The following GRID2 variants were observed in gnomAD, a reference collection of about 807,000 sequenced individuals.
GRID2 encodes glutamate ionotropic receptor delta type subunit 2, also known as glutamate receptor ionotropic, delta-2.
A neutral mutation model predicts 114.8 loss-of-function variants in GRID2; 33 were observed. That is an observed-to-expected ratio of 0.29 (90% CI 0.22 to 0.38). GRID2 has a LOEUF of 0.38. GRID2 is among the 10% of genes least tolerant of loss of function. The probability of loss-of-function intolerance (pLI) is 1.00; values close to 1 mark genes in which losing one functional copy is unlikely to be tolerated. For synonymous variants in GRID2, 505 were observed against 449.9 expected, an observed-to-expected ratio of 1.12 and a Z score of -1.55; for missense variants, 1,184 against 1,257.7, an observed-to-expected ratio of 0.94 and a Z score of 0.89.
intron 14 of GRID2, among the ~76,000 whole-genome samples, chr4:93,632,592 C>T (rs1721020742): frequency 6.6e-6 from 1 of 152,120 alleles, no homozygotes; most frequent in Non-Finnish European, 1.5e-5. Context: ...GTTTTGGTAC[C>T]AGTACCATGC....
chr4:92,404,241 T>C (rs1730926588), intron 1 of GRID2, among the ~76,000 whole-genome samples: 1 of 152,160 alleles, frequency 6.6e-6, no homozygotes. Context: ...AAGAGTTAGG[T>C]AACTTTTCTA....
At chr4:92,323,339 G>C (rs1014418804) in intron 1 of GRID2, among the ~76,000 whole-genome samples, 4 of 151,972 alleles carry the variant, frequency 2.6e-5, no homozygotes, top group Non-Finnish European at 4.4e-5. Context: ...ATATTGTCTT[G>C]CATTTTTGAA....
At chr4:92,373,360 G>A (rs1036861006) in intron 1 of GRID2, among the ~76,000 whole-genome samples, 2 of 152,172 alleles carry the variant, frequency 1.3e-5, no homozygotes, top group Admixed American at 6.6e-5. Context: ...GCAAGGAGTG[G>A]CTTTGTCTGA....
chr4:93,755,286 A>G (rs1326116996), intron 14 of GRID2, among the ~76,000 whole-genome samples: 2 of 152,224 alleles, frequency 1.3e-5, no homozygotes, highest in Non-Finnish European at 2.9e-5. Flanking sequence ...AAAGTAATAG[A>G]TAAGTCTCAT....
intron 12 of GRID2, among the ~76,000 whole-genome samples, chr4:93,495,086 G>A (rs1276893311): frequency 6.6e-6 from 1 of 151,750 alleles, no homozygotes; most frequent in Admixed American, 6.6e-5. Context: ...CCCAGGAGCT[G>A]CAAGTAAACT....
chr4:92,340,407 T>C (rs1374264597), intron 1 of GRID2, among the ~76,000 whole-genome samples: 1 of 152,184 alleles, frequency 6.6e-6, no homozygotes, highest in African/African-American at 2.4e-5. Context: ...CATTCAATTC[T>C]GATCTTGGTG....
intron 4 of GRID2, among the ~76,000 whole-genome samples, chr4:93,149,054 T>C (rs779184035): frequency 2.6e-5 from 4 of 152,102 alleles, no homozygotes; most frequent in Non-Finnish European, 4.4e-5. Context: ...TTCTGTTGAC[T>C]AACAATTCTA....
intron 2 of GRID2, among the ~76,000 whole-genome samples, chr4:93,014,777 C>T (rs757320927): frequency 5.3e-5 from 8 of 152,036 alleles, no homozygotes; most frequent in African/African-American, 1.4e-4. Context: ...ATATGCACTG[C>T]GATACACACA....
chr4:93,046,292 G>A (rs1208448831), intron 2 of GRID2, among the ~76,000 whole-genome samples: 3 of 151,924 alleles, frequency 2.0e-5, no homozygotes, highest in Admixed American at 6.6e-5. Context: ...TCTGTCGGTC[G>A]TTCTTCAGGC....
intron 8 of GRID2, among the ~76,000 whole-genome samples, chr4:93,371,240 T>C (rs141206023): frequency 5.1e-4 from 77 of 152,352 alleles, no homozygotes; most frequent in African/African-American, 1.7e-3. Context: ...AGATTCCTGC[T>C]ATATGATATA....
intron 2 of GRID2, among the ~76,000 whole-genome samples, chr4:92,921,879 T>C (rs569384301): frequency 1.3e-5 from 2 of 152,178 alleles, no homozygotes; most frequent in Admixed American, 6.5e-5. Context: ...AAAGCTGTCA[T>C]ACGGGTACAT....
intron 2 of GRID2, among the ~76,000 whole-genome samples, chr4:92,646,062 T>C (rs1731602315): frequency 6.6e-6 from 1 of 151,716 alleles, no homozygotes; most frequent in African/African-American, 2.4e-5. Context: ...TCCTACCGGC[T>C]TCGTAGGAGA....
intron 2 of GRID2, among the ~76,000 whole-genome samples, chr4:92,655,301 C>T (rs2149265047): frequency 6.6e-6 from 1 of 151,936 alleles, no homozygotes; most frequent in East Asian, 1.9e-4. Context: ...TTATATTTCG[C>T]AGTTAGGTAG....
chr4:93,169,161 C>T (rs982796195), intron 4 of GRID2, among the ~76,000 whole-genome samples: 1 of 150,130 alleles, frequency 6.7e-6, no homozygotes, highest in Non-Finnish European at 1.5e-5. Context: ...CACACACACA[C>T]ACACACACAC....
chr4:93,381,928 A>G (rs893792601), intron 8 of GRID2, among the ~76,000 whole-genome samples: 3 of 152,076 alleles, frequency 2.0e-5, no homozygotes, highest in Non-Finnish European at 4.4e-5. Context: ...TTTCTTCCAG[A>G]CAAGTCTAGT....
chr4:93,232,752 TATG>T (rs1365436108), intron 7 of GRID2, among the ~76,000 whole-genome samples: 6 of 152,036 alleles, frequency 3.9e-5, no homozygotes, highest in East Asian at 3.9e-4. Context: ...CATATATCAA[TATG>T]ATATCTCATA....
chr4:93,199,795 G>A (rs1255902686), intron 4 of GRID2, among the ~76,000 whole-genome samples: 1 of 152,018 alleles, frequency 6.6e-6, no homozygotes, highest in Admixed American at 6.6e-5. Flanking sequence ...GATATTCTTG[G>A]GATTTAAAAA....
intron 2 of GRID2, among the ~76,000 whole-genome samples, chr4:93,074,912 G>T (rs1729123021): frequency 6.6e-6 from 1 of 152,042 alleles, no homozygotes; most frequent in Admixed American, 6.5e-5. Flanking sequence ...CGTTACCAAA[G>T]CTCACCTGAA....
intron 5 of GRID2, among the ~76,000 whole-genome samples, chr4:93,215,056 G>C (rs1345091241): frequency 6.6e-6 from 1 of 151,922 alleles, no homozygotes; most frequent in Non-Finnish European, 1.5e-5. Flanking sequence ...AGTATCATCT[G>C]TTAGCAGAAA....
Sources: gnomAD v4.1 joint callset for allele counts (sites outside exome capture counted in the v4.1 genomes callset) on GRCh38, gnomAD v4.1.1 for gene constraint, MANE v1.5 for transcripts, NCBI Gene and HGNC (gene_info 2026-07-23, HGNC 2026-07-21) for gene names.